The following GLIS3 variants were observed in gnomAD, a reference collection of about 807,000 sequenced individuals.
The protein encoded by GLIS3 is GLIS family zinc finger 3, also known as zinc finger protein GLIS3.
Under a neutral mutation model 78.6 loss-of-function variants are expected in GLIS3, and 53 were observed. The observed-to-expected ratio is 0.67, with a 90% CI of 0.54 to 0.85. The LOEUF is 0.85. GLIS3 is among the 40% of genes least tolerant of loss of function. GLIS3 has a pLI of 0.00. For missense variants in GLIS3, 1,703 were observed against 1,231.1 expected, an observed-to-expected ratio of 1.38 and a Z score of -5.74; for synonymous variants, 684 against 509.9, an observed-to-expected ratio of 1.34 and a Z score of -4.60.
chr9:4,062,856 G>C (rs899530192), intron 4 of GLIS3, among the ~76,000 whole-genome samples: 1 of 151,994 alleles, frequency 6.6e-6, no homozygotes, highest in African/African-American at 2.4e-5. Flanking sequence ...ATGAACCCAG[G>C]AGGCGGAGCT....
chr9:4,345,991 A>T (rs1015359117), intron 2 of GLIS3, among the ~76,000 whole-genome samples: 2 of 152,226 alleles, frequency 1.3e-5, no homozygotes, highest in African/African-American at 4.8e-5. Context: ...CGAGTGGGAG[A>T]TTCTAATACA....
intron 2 of GLIS3, among the ~76,000 whole-genome samples, chr9:4,133,827 C>CACCT (rs1833161112): frequency 3.5e-5 from 1 of 28,462 alleles, no homozygotes; most frequent in African/African-American, 1.7e-4. Flanking sequence ...AGACCTTCTA[C>CACCT]ACACACACAC....
chr9:4,462,353 C>T, the GLIS3 span, among the ~76,000 whole-genome samples: 1 of 152,106 alleles, frequency 6.6e-6, no homozygotes, highest in Non-Finnish European at 1.5e-5. Context: ...GTGAAATTGT[C>T]TTGTTGAATG....
At chr9:4,305,326 C>G (rs1052445431) in intron 4 of GLIS3, 1 of 152,212 alleles carries the variant, frequency 6.6e-6, no homozygotes, top group African/African-American at 2.4e-5. Context: ...CACCGCTAAC[C>G]GAGAGACCTT....
At chr9:4,221,238 G>T (rs963001661) in intron 2 of GLIS3, among the ~76,000 whole-genome samples, 3 of 152,142 alleles carry the variant, frequency 2.0e-5, no homozygotes, top group Non-Finnish European at 4.4e-5. Flanking sequence ...AGGCAGAAAT[G>T]AGGTAAAATG....
the GLIS3 span, among the ~76,000 whole-genome samples, chr9:4,469,062 G>T: frequency 6.6e-6 from 1 of 152,126 alleles, no homozygotes; most frequent in Non-Finnish European, 1.5e-5. Flanking sequence ...ATGGTAAAGG[G>T]ATCAATTCAA....
upstream of GLIS3, among the ~76,000 whole-genome samples, chr9:4,352,779 C>T (rs1817990785): frequency 6.6e-6 from 1 of 152,194 alleles, no homozygotes; most frequent in African/African-American, 2.4e-5. Flanking sequence ...GATCAAAATA[C>T]AGAATTGGTC....
intron 4 of GLIS3, among the ~76,000 whole-genome samples, chr9:4,116,943 G>C (rs1238592834): frequency 6.6e-6 from 1 of 152,148 alleles, no homozygotes; most frequent in Admixed American, 6.5e-5. Flanking sequence ...TATAAACCCT[G>C]AGGGTTTCTG....
At chr9:4,275,043 T>C (rs1262323572) in intron 2 of GLIS3, among the ~76,000 whole-genome samples, 1 of 152,214 alleles carries the variant, frequency 6.6e-6, no homozygotes, top group Non-Finnish European at 1.5e-5. Context: ...CTATTGTGTC[T>C]TTAAAATGTG....
At chr9:4,465,599 T>C in the GLIS3 span, among the ~76,000 whole-genome samples, 1 of 152,194 alleles carries the variant, frequency 6.6e-6, no homozygotes, top group African/African-American at 2.4e-5. Context: ...TGTAACTGGA[T>C]TTATTTGTAA....
intron 2 of GLIS3, among the ~76,000 whole-genome samples, chr9:4,282,208 C>T (rs974559396): frequency 2.0e-5 from 3 of 152,050 alleles, no homozygotes; most frequent in Non-Finnish European, 2.9e-5. Flanking sequence ...TTTTCTTAGC[C>T]GCCGTGTAAA....
intron 4 of GLIS3, among the ~76,000 whole-genome samples, chr9:4,005,742 A>C (rs1441556674): frequency 6.6e-6 from 1 of 152,260 alleles, no homozygotes; most frequent in Admixed American, 6.5e-5. Flanking sequence ...ATCTGCCAAC[A>C]GAATGAATTC....
At chr9:4,448,808 G>A in the GLIS3 span, among the ~76,000 whole-genome samples, 4 of 152,162 alleles carry the variant, frequency 2.6e-5, no homozygotes, top group Non-Finnish European at 5.9e-5. Flanking sequence ...CTTACTTTGT[G>A]GTTTGTTTGT....
intron 2 of GLIS3, among the ~76,000 whole-genome samples, chr9:4,237,817 C>CT (rs1231360299): frequency 1.3e-5 from 2 of 152,210 alleles, no homozygotes; most frequent in African/African-American, 4.8e-5. Context: ...TTGGGACACA[C>CT]TGTAAGCACA....
intron 4 of GLIS3, among the ~76,000 whole-genome samples, chr9:3,960,809 A>C (rs1817495727): frequency 6.6e-6 from 1 of 152,196 alleles, no homozygotes; most frequent in Non-Finnish European, 1.5e-5. Context: ...TCTTTGCCCA[A>C]GTTTTTCATA....
chr9:4,071,039 T>G (rs1827561683), intron 4 of GLIS3: 1 of 152,230 alleles, frequency 6.6e-6, no homozygotes, highest in African/African-American at 2.4e-5. Context: ...TATGATGCTT[T>G]GACCAATGTT....
rs1205408638 is a variant in GLIS3 at position 3,824,647 on chromosome 9, A to G, written c.*3625T>C. On this transcript the variant is annotated 3_prime_UTR_variant, in exon 11 of 11. Coordinates refer to ENST00000381971, the MANE Select transcript of GLIS3 (RefSeq NM_001042413.2). ...AGAAAAAAGTGTACCTAATTCTTTA[A>G]AAGATTTATGACAATAAGCACCAGA... The G allele has an allele frequency of 6.6e-6, 1 of 152,664 alleles. No homozygotes were observed. The highest frequency in any genetic ancestry group is 1.5e-5 in the Non-Finnish European group (1 of 68,042). 9.5% of individuals were successfully genotyped at this position (152,664 alleles called of 1,614,324 possible).
chr9:4,253,890 T>C (rs968491561), intron 2 of GLIS3, among the ~76,000 whole-genome samples: 1 of 152,030 alleles, frequency 6.6e-6, no homozygotes, highest in Non-Finnish European at 1.5e-5. Flanking sequence ...ACTTCCCGGG[T>C]AAGGTGACGC....
chr9:4,448,528 C>T, the GLIS3 span, among the ~76,000 whole-genome samples: 29 of 152,356 alleles, frequency 1.9e-4, no homozygotes, highest in South Asian at 6.0e-3. Context: ...GTTCTTTCTT[C>T]TGCACATTGT....
Sources: gnomAD v4.1 joint callset for allele counts (sites outside exome capture counted in the v4.1 genomes callset) on GRCh38, gnomAD v4.1.1 for gene constraint, MANE v1.5 for transcripts, NCBI Gene and HGNC (gene_info 2026-07-23, HGNC 2026-07-21) for gene names.